The following MAPK8 variants were observed in gnomAD, a reference collection of about 807,000 sequenced individuals.
MAPK8 encodes the protein JUN N-terminal kinase.
A neutral mutation model predicts 52.9 loss-of-function variants in MAPK8; 13 were observed. That is an observed-to-expected ratio of 0.25 (90% CI 0.16 to 0.39). The LOEUF (loss-of-function observed/expected upper bound fraction) is 0.39. MAPK8 is among the 10% of genes least tolerant of loss of function. MAPK8 has a pLI of 1.00. For synonymous variants in MAPK8, 191 were observed against 169.8 expected (o/e 1.12, Z -0.97); for missense variants, 300 against 519.2 (o/e 0.58, Z 4.10).
chr10:48,335,557 A>G (rs116615481), intron 1 of MAPK8, among the ~76,000 whole-genome samples: 2,007 of 152,346 alleles, frequency 0.013, 45 homozygotes, highest in African/African-American at 0.044. Context: ...TTCATTGGCA[A>G]TAAATACTGT....
intron 1 of MAPK8, among the ~76,000 whole-genome samples, chr10:48,336,307 TA>T (rs1462518290): frequency 1.3e-5 from 2 of 152,118 alleles, no homozygotes; most frequent in African/African-American, 2.4e-5. Context: ...AACACTCTTT[TA>T]AAAAATATTC....
At chr10:48,341,563 T>C (rs1845265482) in intron 1 of MAPK8, among the ~76,000 whole-genome samples, 2 of 152,208 alleles carry the variant, frequency 1.3e-5, no homozygotes, top group Non-Finnish European at 2.9e-5. Context: ...CAAGCTATAG[T>C]AGATTTCATT....
chr10:48,354,696 G>A (rs1045588327), intron 1 of MAPK8, among the ~76,000 whole-genome samples: 11 of 152,044 alleles, frequency 7.2e-5, no homozygotes, highest in Non-Finnish European at 1.2e-4. Flanking sequence ...AAACCTTGTC[G>A]GAGTGAATAT....
intron 3 of MAPK8, 21 bp from the exon 4 acceptor site, chr10:48,409,854 TTCTG>T (rs1460242583): frequency 1.0e-5 from 16 of 1,531,070 alleles, no homozygotes; most frequent in Non-Finnish European, 1.3e-5. Context: ...TTTCTAATTT[TTCTG>T]TCTCTCGACT....
chr10:48,326,516 AT>A (rs896106470), intron 1 of MAPK8, among the ~76,000 whole-genome samples: 73 of 152,168 alleles, frequency 4.8e-4, no homozygotes, highest in African/African-American at 1.8e-3. Context: ...AGAAAATGGT[AT>A]TAGAAACAAA....
intron 1 of MAPK8, among the ~76,000 whole-genome samples, chr10:48,366,382 T>C (rs1234288907): frequency 6.6e-6 from 1 of 152,174 alleles, no homozygotes; most frequent in African/African-American, 2.4e-5. Flanking sequence ...TGAGCTGTTC[T>C]AATAACAGGG....
At chr10:48,367,329 T>A (rs1309160637) in intron 1 of MAPK8, among the ~76,000 whole-genome samples, 2 of 152,044 alleles carry the variant, frequency 1.3e-5, no homozygotes, top group African/African-American at 4.8e-5. Context: ...CTTGTGCCGT[T>A]GCATTCCAGC....
intron 1 of MAPK8, among the ~76,000 whole-genome samples, chr10:48,397,485 T>C (rs61838695): frequency 0.11 from 16,056 of 152,140 alleles, 1,136 homozygotes; most frequent in Admixed American, 0.25. Flanking sequence ...AAAATGATAG[T>C]GACAAAGAAC....
At chr10:48,405,111 A>ATC (rs1303365330) in intron 3 of MAPK8, 130 bp downstream of exon 3, 5 of 260,714 alleles carry the variant, frequency 1.9e-5, no homozygotes, top group Non-Finnish European at 3.6e-5. Flanking sequence ...AAAGGGATAT[A>ATC]TATATATATA....
At chr10:48,404,383 C>G (rs1265697216) in intron 2 of MAPK8, among the ~76,000 whole-genome samples, 3 of 151,796 alleles carry the variant, frequency 2.0e-5, no homozygotes, top group Non-Finnish European at 4.4e-5. Flanking sequence ...GTCTCGATCT[C>G]CTGACCTCAT....
chr10:48,340,312 A>G (rs1238075950), intron 1 of MAPK8, among the ~76,000 whole-genome samples: 1 of 152,192 alleles, frequency 6.6e-6, no homozygotes, highest in Non-Finnish European at 1.5e-5. Flanking sequence ...AAAATACCGT[A>G]TGTTCTTACT....
At chr10:48,310,058 G>GT (rs1380839556) in intron 1 of MAPK8, among the ~76,000 whole-genome samples, 1 of 152,170 alleles carries the variant, frequency 6.6e-6, no homozygotes, top group Non-Finnish European at 1.5e-5. Context: ...TGACTGAAAG[G>GT]TAACAGGAGT....
At chr10:48,344,927 A>G (rs1449915368) in intron 1 of MAPK8, among the ~76,000 whole-genome samples, 1 of 152,208 alleles carries the variant, frequency 6.6e-6, no homozygotes, top group Non-Finnish European at 1.5e-5. Flanking sequence ...GAGTCAGTAA[A>G]CAAAATCTAA....
At chr10:48,334,631 C>T (rs1034324720) in intron 1 of MAPK8, among the ~76,000 whole-genome samples, 1 of 152,106 alleles carries the variant, frequency 6.6e-6, no homozygotes, top group Non-Finnish European at 1.5e-5. Context: ...TCAGACAGAG[C>T]GGGCCACCTA....
At chr10:48,427,298 T>A (rs1441621069) in intron 10 of MAPK8, 155 bp downstream of exon 10, 1 of 510,626 alleles carries the variant, frequency 2.0e-6, no homozygotes, top group Admixed American at 3.1e-5. Flanking sequence ...GTAAGTCTGC[T>A]TCCTTCCTTA....
At chr10:48,347,645 G>GT (rs1845917588) in intron 1 of MAPK8, among the ~76,000 whole-genome samples, 1 of 152,190 alleles carries the variant, frequency 6.6e-6, no homozygotes. Context: ...AGAACATGTG[G>GT]TGGTTGGTTT....
At chr10:48,393,715 C>T (rs902973549) in intron 1 of MAPK8, among the ~76,000 whole-genome samples, 2 of 151,912 alleles carry the variant, frequency 1.3e-5, no homozygotes, top group Non-Finnish European at 2.9e-5. Context: ...TGCAATGATG[C>T]TTAAATGCTT....
At chr10:48,341,571 A>G (rs187861705) in intron 1 of MAPK8, among the ~76,000 whole-genome samples, 12 of 152,324 alleles carry the variant, frequency 7.9e-5, no homozygotes, top group Admixed American at 4.6e-4. Context: ...AGTAGATTTC[A>G]TTTTTCAATT....
rs75435918 is a variant in MAPK8, at chr10:48,342,438, A to G, written c.-50+35617A>G. On this transcript the variant is annotated intron_variant, in intron 1 of 11. Coordinates refer to ENST00000374189, the MANE Select transcript of MAPK8 (RefSeq NM_001323329.2). Reference sequence around the variant, plus strand: ...ATTTTTTATAAAAAAAAATTTTACAATAAAATTCAGATTTGTTCTTATTGG... The same window carrying G: ...ATTTTTTATAAAAAAAAATTTTACAGTAAAATTCAGATTTGTTCTTATTGG... 2.7e-3 allele frequency among the ~76,000 whole-genome samples: 416 copies of G among 152,346 alleles called. 2 individuals are homozygous for G. The highest frequency in any genetic ancestry group is 9.6e-3 in the African/African-American group (400 of 41,574).
Sources: allele counts gnomAD v4.1 joint callset (sites outside exome capture counted in the v4.1 genomes callset), GRCh38; gene constraint gnomAD v4.1.1; transcripts MANE v1.5; gene names NCBI Gene and HGNC (gene_info 2026-07-23, HGNC 2026-07-21).